The following PDE4DIP variants were observed in gnomAD, a reference collection of about 807,000 sequenced individuals.
The protein encoded by PDE4DIP is myomegalin.
PDE4DIP carries 59 observed loss-of-function variants against 221.4 expected under a neutral mutation model. The observed-to-expected ratio is 0.27, with a 90% confidence interval of 0.22 to 0.33. The LOEUF is 0.33. PDE4DIP is among the 10% of genes least tolerant of loss of function. The probability of loss-of-function intolerance (pLI) is 1.00; values close to 1 mark genes in which losing one functional copy is unlikely to be tolerated. For synonymous variants in PDE4DIP, 404 were observed against 815.9 expected, an observed-to-expected ratio of 0.50 and a Z score of 8.60; for missense variants, 1,036 against 2,154.2, an observed-to-expected ratio of 0.48 and a Z score of 10.28.
chr1:148,979,656 A>G (rs2060766057), intron 19 of PDE4DIP, 81 bp from the exon 23 acceptor site: 1 of 1,282,476 alleles, frequency 7.8e-7, no homozygotes, highest in Non-Finnish European at 1.1e-6. Context: ...AAGTCATAGT[A>G]CATGCTAATG....
chr1:148,987,486 C>T (rs2062119111), intron 21 of PDE4DIP, among the ~76,000 whole-genome samples: 1 of 152,116 alleles, frequency 6.6e-6, no homozygotes, highest in African/African-American at 2.4e-5. Flanking sequence ...GGCAGTGTAC[C>T]TGGGAGTCAG....
intron 43 of PDE4DIP, chr1:149,030,822 A>G (rs868937153): frequency 2.0e-6 from 2 of 978,402 alleles, no homozygotes; most frequent in Non-Finnish European, 1.2e-6. Context: ...ATTTGTTAAT[A>G]AATAACAACT....
intron 2 of PDE4DIP, chr1:148,866,617 G>A (rs1434876081): frequency 7.5e-5 from 3 of 39,942 alleles, no homozygotes; most frequent in African/African-American, 3.4e-4. Flanking sequence ...AGGGAGGGAG[G>A]GAGGGAGGGA....
chr1:148,973,082 T>G (rs1294498147), intron 16 of PDE4DIP, among the ~76,000 whole-genome samples: 2 of 137,298 alleles, frequency 1.5e-5, no homozygotes, highest in African/African-American at 5.6e-5. Context: ...CCTAAAGAGC[T>G]CCCTGGTTCC....
chr1:148,948,309 C>T (rs1401569334), intron 5 of PDE4DIP, among the ~76,000 whole-genome samples: 1 of 152,048 alleles, frequency 6.6e-6, no homozygotes, highest in Admixed American at 6.6e-5. Flanking sequence ...CTAAGTCTCA[C>T]CTTAACAACA....
intron 6 of PDE4DIP, among the ~76,000 whole-genome samples, chr1:148,961,301 C>G (rs1553509685): frequency 6.6e-6 from 1 of 152,048 alleles, no homozygotes; most frequent in African/African-American, 2.4e-5. Flanking sequence ...GAGAGAGACT[C>G]TGTCTCAAAA....
chr1:148,912,532 TGATA>T (rs1187979010), intron 1 of PDE4DIP, among the ~76,000 whole-genome samples: 2 of 112,692 alleles, frequency 1.8e-5, no homozygotes, highest in East Asian at 2.1e-4. Flanking sequence ...TGCTTTCTGT[TGATA>T]GATAGTTCTG....
intron 2 of PDE4DIP, chr1:148,930,450 G>A (rs1376313172): frequency 6.6e-6 from 1 of 150,894 alleles, no homozygotes; most frequent in Non-Finnish European, 1.5e-5. Context: ...CCGGGAGGCG[G>A]AGCTTGCAGT....
At chr1:148,987,861 G>A in intron 21 of PDE4DIP, among the ~76,000 whole-genome samples, 1 of 152,070 alleles carries the variant, frequency 6.6e-6, no homozygotes, top group Non-Finnish European at 1.5e-5. Flanking sequence ...GAGCCCAGCA[G>A]TTCAAGACCA....
intron 1 of PDE4DIP, among the ~76,000 whole-genome samples, chr1:148,923,388 G>C (rs2045928754): frequency 2.7e-5 from 4 of 150,548 alleles, no homozygotes; most frequent in African/African-American, 9.9e-5. Flanking sequence ...TTCTCTTGTT[G>C]GTTCACTCTT....
intron 19 of PDE4DIP, 30 bp from the exon 23 acceptor site, chr1:148,979,707 C>T (rs374953200): frequency 8.2e-5 from 131 of 1,594,006 alleles, no homozygotes; most frequent in Non-Finnish European, 1.0e-4. Flanking sequence ...GTGCCATTTG[C>T]GTATTGCTTC....
At chr1:149,023,632 ATG>A (rs1575563928) in intron 37 of PDE4DIP, among the ~76,000 whole-genome samples, 5 of 108,968 alleles carry the variant, frequency 4.6e-5, no homozygotes, top group South Asian at 2.9e-4. Flanking sequence ...GTACATGTAT[ATG>A]TGTGCACATA....
intron 4 of PDE4DIP, among the ~76,000 whole-genome samples, chr1:148,934,162 C>T (rs1168372131): frequency 6.6e-6 from 1 of 151,114 alleles, no homozygotes; most frequent in Non-Finnish European, 1.5e-5. Context: ...AGGCATCAAT[C>T]GTCATTTCTT....
chr1:148,987,173 T>G (rs1381879913), intron 21 of PDE4DIP, among the ~76,000 whole-genome samples: 1 of 152,162 alleles, frequency 6.6e-6, no homozygotes, highest in Non-Finnish European at 1.5e-5. Context: ...GATGTTGCAA[T>G]TTAAAGACAA....
chr1:148,980,063 C>G (rs1172205998), intron 20 of PDE4DIP, among the ~76,000 whole-genome samples: 2 of 152,196 alleles, frequency 1.3e-5, no homozygotes, highest in Non-Finnish European at 2.9e-5. Context: ...GGGATTAGTG[C>G]CTGTTTCACA....
At chr1:148,967,667 T>C (rs2058438860) in intron 12 of PDE4DIP, 59 bp from the exon 16 acceptor site, 6 of 642,844 alleles carry the variant, frequency 9.3e-6, no homozygotes, top group Admixed American at 5.0e-5. Context: ...ATTTCTTGTT[T>C]ATCCTGAGGA....
intron 1 of PDE4DIP, among the ~76,000 whole-genome samples, chr1:148,844,047 G>A (rs1226197233): frequency 5.1e-5 from 2 of 38,986 alleles, no homozygotes; most frequent in South Asian, 1.3e-3. Context: ...CCATGACCAC[G>A]TAGGGTATAC....
rs587682931 is a variant in PDE4DIP at position 148,970,635 on chromosome 1, C to T, written c.1981-1545C>T. On this transcript the variant is annotated intron_variant, in intron 14 of 43. Coordinates refer to ENST00000369354, the Ensembl canonical transcript of PDE4DIP. ...AGGTGGGACTTAAGAATTTGCATTT[C>T]TAACAAGTTTCCAGGTGATAGTGAT... Among the ~76,000 whole-genome samples, 7 of 152,222 alleles carry T rather than the reference C, an allele frequency of 4.6e-5. No individual in the cohort carries two copies. In the South Asian group the frequency reaches 1.2e-3, roughly 27 times the overall value.
intron 1 of PDE4DIP, among the ~76,000 whole-genome samples, chr1:148,815,172 A>G (rs58534352): frequency 8.4e-6 from 1 of 119,438 alleles, no homozygotes; most frequent in Non-Finnish European, 1.8e-5. Flanking sequence ...AAAGATCCAA[A>G]CCTTTCAAAA....
Sources: gnomAD v4.1 joint callset for allele counts (sites outside exome capture counted in the v4.1 genomes callset) on GRCh38, gnomAD v4.1.1 for gene constraint, MANE v1.5 for transcripts, NCBI Gene and HGNC (gene_info 2026-07-23, HGNC 2026-07-21) for gene names.